The following PSD3 variants were observed in gnomAD, a reference collection of about 807,000 sequenced individuals.
The protein encoded by PSD3 is pleckstrin and Sec7 domain containing 3.
PSD3 carries 49 observed loss-of-function variants against 105.5 expected under a neutral mutation model. The observed-to-expected ratio is 0.46, with a 90% confidence interval of 0.37 to 0.59. The LOEUF (loss-of-function observed/expected upper bound fraction) is 0.59. Among genes scored for constraint, PSD3 ranks in the 20% least tolerant of loss-of-function variants. PSD3 has a pLI of 0.00. For missense variants in PSD3, 1,561 were observed against 1,263.8 expected (o/e 1.24, Z -3.57); for synonymous variants, 557 against 457.8 (o/e 1.22, Z -2.77).
In PSD3 at chr8:18,701,126, T is replaced by A. The variant is rs536426380; in HGVS notation, c.2173-45441A>T. ...GACCACAGGTGTGTGCCAAGAAGCC[T>A]GGCTGATTTTTTTTTTTTTTTTCTG... On this transcript the variant is annotated intron_variant, in intron 9 of 15. Transcript: ENST00000327040. Among the ~76,000 whole-genome samples, 23 of 113,742 alleles carry A rather than the reference T, an allele frequency of 2.0e-4. No homozygotes were observed. The East Asian group carries it at 4.9e-3, about 24-fold the overall frequency. 74.6% of individuals were successfully genotyped at this position (113,742 alleles called of 152,430 possible).
intron 4 of PSD3, among the ~76,000 whole-genome samples, chr8:18,824,187 C>G (rs1406508135): frequency 6.6e-6 from 1 of 152,050 alleles, no homozygotes; most frequent in Non-Finnish European, 1.5e-5. Context: ...AAATCAGTAA[C>G]TTTTTTAAAG....
At chr8:18,572,966 G>C (rs879871319) in intron 13 of PSD3, among the ~76,000 whole-genome samples, 2 of 152,050 alleles carry the variant, frequency 1.3e-5, no homozygotes, top group Admixed American at 6.6e-5. Flanking sequence ...TTTGATACGA[G>C]GCTAGGCCAA....
rs192894796 is a variant in PSD3 at position 18,928,254 on chromosome 8, G to A, written c.130+7780C>T. Among the ~76,000 whole-genome samples, 15 of 152,252 alleles carry A rather than the reference G, an allele frequency of 9.9e-5. 1 individual carries two copies. The East Asian group carries it at 2.3e-3, about 24-fold the overall frequency. The stretch of plus-strand genomic sequence containing the variant: ...CAAATAAGTCTCATGAGATCTGATG[G>A]TTTTATAAATGGGAATTTCTCTGCA... On this transcript the variant is annotated intron_variant, in intron 2 of 15. Transcript: ENST00000327040.
chr8:18,937,907 G>A (rs1213901421), intron 1 of PSD3, among the ~76,000 whole-genome samples: 4 of 152,212 alleles, frequency 2.6e-5, no homozygotes, highest in South Asian at 4.1e-4. Context: ...ACATATTGGC[G>A]GGAAGGCCAT....
chr8:18,588,278 C>T (rs1024277846), intron 12 of PSD3, among the ~76,000 whole-genome samples: 1 of 152,084 alleles, frequency 6.6e-6, no homozygotes, highest in Non-Finnish European at 1.5e-5. Context: ...CAGGTAGAAA[C>T]CACACAATCA....
chr8:18,855,028 G>A (rs530151253), intron 4 of PSD3, among the ~76,000 whole-genome samples: 20 of 152,254 alleles, frequency 1.3e-4, no homozygotes, highest in East Asian at 3.9e-4. Flanking sequence ...AGCCGTGGCC[G>A]CCAGACCTAA....
intron 4 of PSD3, among the ~76,000 whole-genome samples, chr8:18,860,765 A>G (rs1816378072): frequency 6.6e-6 from 1 of 152,198 alleles, no homozygotes; most frequent in Admixed American, 6.5e-5. Flanking sequence ...ACTTCCTTTA[A>G]AAGTTAAATA....
chr8:18,806,821 G>A (rs970016345), intron 4 of PSD3, among the ~76,000 whole-genome samples: 2 of 152,126 alleles, frequency 1.3e-5, no homozygotes, highest in East Asian at 3.9e-4. Context: ...ACACTCTAAA[G>A]GGGAAACGGA....
At chr8:18,548,130 A>G (rs1800557657) in intron 15 of PSD3, among the ~76,000 whole-genome samples, 1 of 152,206 alleles carries the variant, frequency 6.6e-6, no homozygotes, top group Admixed American at 6.5e-5. Flanking sequence ...CATTCAGTAT[A>G]TGCTTCAGCT....
At chr8:19,065,906 G>C (rs1413773172) in intron 1 of PSD3, among the ~76,000 whole-genome samples, 1 of 152,166 alleles carries the variant, frequency 6.6e-6, no homozygotes, top group Non-Finnish European at 1.5e-5. Flanking sequence ...TCTTTCTGGT[G>C]ACCGCCTCCA....
intron 1 of PSD3, among the ~76,000 whole-genome samples, chr8:19,075,466 T>C (rs1277086654): frequency 6.6e-6 from 1 of 152,242 alleles, no homozygotes. Context: ...ATGATTACAT[T>C]GTTGCTATAT....
chr8:18,876,591 G>T (rs1817748534), intron 2 of PSD3, among the ~76,000 whole-genome samples: 1 of 151,948 alleles, frequency 6.6e-6, no homozygotes, highest in South Asian at 2.1e-4. Flanking sequence ...GCAGAGATGG[G>T]GTTCCACCAT....
intron 8 of PSD3, among the ~76,000 whole-genome samples, chr8:18,767,377 G>A (rs953247080): frequency 7.9e-5 from 12 of 152,190 alleles, no homozygotes; most frequent in Non-Finnish European, 1.6e-4. Context: ...GGAGAGGAAC[G>A]CAGAGCACAG....
At chr8:18,845,539 T>C (rs1815014300) in intron 4 of PSD3, among the ~76,000 whole-genome samples, 1 of 152,168 alleles carries the variant, frequency 6.6e-6, no homozygotes, top group Admixed American at 6.5e-5. Context: ...CTGTGGGCAG[T>C]GTCAGCCACA....
intron 1 of PSD3, among the ~76,000 whole-genome samples, chr8:19,043,247 G>T (rs17384956): frequency 6.6e-6 from 1 of 152,116 alleles, no homozygotes; most frequent in Non-Finnish European, 1.5e-5. Context: ...TGTACATGCA[G>T]AATGACTCCA....
intron 6 of PSD3, among the ~76,000 whole-genome samples, chr8:18,803,814 G>A (rs1810952703): frequency 1.3e-5 from 2 of 152,050 alleles, no homozygotes; most frequent in Admixed American, 1.3e-4. Flanking sequence ...TAACGAGTAT[G>A]GAGCTTCAGT....
chr8:19,081,270 G>C (rs753562813), intron 1 of PSD3, among the ~76,000 whole-genome samples: 2 of 152,210 alleles, frequency 1.3e-5, no homozygotes, highest in Admixed American at 1.3e-4. Flanking sequence ...ATTCGTACAA[G>C]GTTAGGTCAC....
chr8:18,909,845 A>G (rs1820087225), intron 2 of PSD3, among the ~76,000 whole-genome samples: 1 of 152,144 alleles, frequency 6.6e-6, no homozygotes, highest in Non-Finnish European at 1.5e-5. Context: ...ATTGTAATTT[A>G]TGTTTCTTTG....
rs564615612 is a variant in PSD3, at chr8:19,007,928, C to T, written c.21+5635G>A. On this transcript the variant is annotated intron_variant, in intron 1 of 15. Transcript: ENST00000327040. ...CACAATCTCTGCTCACTGCAACCTC[C>T]GCCTCCTGGGTTCAAGTGATTCTCC... Among the ~76,000 whole-genome samples the T allele has an allele frequency of 3.0e-4, 45 of 152,232 alleles. 1 individual carries two copies. Among genetic ancestry groups the T allele is most frequent in the South Asian group, 2.1e-4 (1 of 4,826 alleles).
Sources: allele counts gnomAD v4.1 joint callset (sites outside exome capture counted in the v4.1 genomes callset), GRCh38; gene constraint gnomAD v4.1.1; transcripts MANE v1.5; gene names NCBI Gene and HGNC (gene_info 2026-07-23, HGNC 2026-07-21).